Variants in TRABD2A observed in about 807,000 individuals in gnomAD.
TRABD2A encodes the protein TraB domain containing 2A.
In TRABD2A, 43 loss-of-function variants were observed where a neutral mutation model predicts 45.6. The observed-to-expected ratio is 0.94, with a 90% CI of 0.74 to 1.22. The LOEUF is 1.22. Among genes scored for constraint, TRABD2A ranks in the 50% most tolerant of loss-of-function variants. TRABD2A has a pLI of 0.00. For missense variants in TRABD2A, 642 were observed against 652.4 expected, an observed-to-expected ratio of 0.98 and a Z score of 0.17; for synonymous variants, 269 against 265.0, an observed-to-expected ratio of 1.02 and a Z score of -0.15.
chr2:84,833,838 C>CT (rs1015510483), intron 4 of TRABD2A: 7 of 151,724 alleles, frequency 4.6e-5, no homozygotes, highest in African/African-American at 1.7e-4. Context: ...AAATCAAGCC[C>CT]TGAGTACTGG....
At chr2:84,822,580 G>A (rs1346603087) in intron 6 of TRABD2A, among the ~76,000 whole-genome samples, 1 of 152,124 alleles carries the variant, frequency 6.6e-6, no homozygotes, top group Non-Finnish European at 1.5e-5. Context: ...AGGGGCCCAT[G>A]ACCTCAGGCT....
intron 2 of TRABD2A, among the ~76,000 whole-genome samples, chr2:84,866,137 G>A (rs1682670920): frequency 6.6e-6 from 1 of 152,184 alleles, no homozygotes; most frequent in Admixed American, 6.5e-5. Flanking sequence ...GCCTACAGGG[G>A]CCAGGCAGAT....
chr2:84,838,166 C>T, intron 4 of TRABD2A: 2 of 715,166 alleles, frequency 2.8e-6, no homozygotes, highest in Admixed American at 4.1e-5. Context: ...ATTCTGTCCC[C>T]TCCAGTAACC....
intron 6 of TRABD2A, among the ~76,000 whole-genome samples, 192 bp from the exon 7 acceptor site, chr2:84,822,292 A>G (rs923880329): frequency 1.2e-4 from 18 of 152,194 alleles, no homozygotes; most frequent in African/African-American, 4.1e-4. Flanking sequence ...CAGAAAACCA[A>G]ATGGCAGAGG....
At chr2:84,827,968 C>A (rs1432155961) in intron 5 of TRABD2A, among the ~76,000 whole-genome samples, 1 of 152,210 alleles carries the variant, frequency 6.6e-6, no homozygotes, top group Admixed American at 6.5e-5. Flanking sequence ...GACTTCTGAT[C>A]TCCAGAACTA....
intron 2 of TRABD2A, among the ~76,000 whole-genome samples, chr2:84,846,629 C>T (rs573197831): frequency 6.6e-6 from 1 of 152,306 alleles, no homozygotes; most frequent in South Asian, 2.1e-4. Flanking sequence ...CCATGATGAG[C>T]CTCAAAGACA....
intron 2 of TRABD2A, among the ~76,000 whole-genome samples, chr2:84,869,062 A>G (rs1682785692): frequency 6.6e-6 from 1 of 152,236 alleles, no homozygotes; most frequent in African/African-American, 2.4e-5. Context: ...ACTTATTAAT[A>G]TTATAGAATT....
At chr2:84,840,528 G>T (rs1350836877) in intron 3 of TRABD2A, among the ~76,000 whole-genome samples, 1 of 152,200 alleles carries the variant, frequency 6.6e-6, no homozygotes, top group African/African-American at 2.4e-5. Context: ...TCCTGTAGGG[G>T]CCCTGTGGGC....
At chr2:84,838,873 A>T (rs1681609774) in intron 4 of TRABD2A, among the ~76,000 whole-genome samples, 1 of 152,228 alleles carries the variant, frequency 6.6e-6, no homozygotes, top group Non-Finnish European at 1.5e-5. Context: ...TAAGTATGAA[A>T]TTCAGAGGAC....
At chr2:84,857,387 C>T (rs900312338) in intron 2 of TRABD2A, among the ~76,000 whole-genome samples, 1 of 152,104 alleles carries the variant, frequency 6.6e-6, no homozygotes, top group African/African-American at 2.4e-5. Flanking sequence ...CAAGACAACC[C>T]AGCTTCAAGA....
intron 4 of TRABD2A, chr2:84,837,410 A>G (rs2105378302): frequency 6.6e-6 from 1 of 152,250 alleles, no homozygotes; most frequent in South Asian, 2.1e-4. Context: ...TTCCCTGGGT[A>G]TGGGCCATAC....
intron 2 of TRABD2A, among the ~76,000 whole-genome samples, chr2:84,863,308 A>G (rs1192896265): frequency 1.5e-5 from 2 of 135,902 alleles, no homozygotes; most frequent in East Asian, 2.1e-4. Flanking sequence ...GCAGTGGCGC[A>G]ATCTCGGCTC....
chr2:84,829,924 CA>C (rs1283183755), intron 5 of TRABD2A, among the ~76,000 whole-genome samples: 2 of 150,466 alleles, frequency 1.3e-5, no homozygotes, highest in Non-Finnish European at 3.0e-5. Flanking sequence ...AGATACACAC[CA>C]CACAAACCCT....
chr2:84,872,386 G>A (rs1043712266), intron 1 of TRABD2A, among the ~76,000 whole-genome samples: 2 of 152,242 alleles, frequency 1.3e-5, no homozygotes, highest in Non-Finnish European at 2.9e-5. Flanking sequence ...GTGCATGCCT[G>A]TAGTCCCAGC....
At chr2:84,831,853 A>G (rs752879167) in intron 5 of TRABD2A, among the ~76,000 whole-genome samples, 33 of 152,124 alleles carry the variant, frequency 2.2e-4, no homozygotes, top group South Asian at 6.2e-4. Context: ...CAAAGTGTCC[A>G]TCCTGCCAAC....
intron 5 of TRABD2A, among the ~76,000 whole-genome samples, chr2:84,825,949 C>A (rs1413809598): frequency 6.6e-6 from 1 of 152,010 alleles, no homozygotes; most frequent in East Asian, 1.9e-4. Context: ...CCAAAACCAT[C>A]CCCCCCTCCC....
chr2:84,851,585 C>A (rs899968786), intron 2 of TRABD2A, among the ~76,000 whole-genome samples: 2 of 152,324 alleles, frequency 1.3e-5, no homozygotes, highest in South Asian at 2.1e-4. Flanking sequence ...AAAGTCCTTT[C>A]TTTTTGAGTT....
chr2:84,831,643 A>T (rs1210394344), intron 5 of TRABD2A, among the ~76,000 whole-genome samples: 1 of 151,882 alleles, frequency 6.6e-6, no homozygotes, highest in African/African-American at 2.4e-5. Context: ...TGCACCCCTA[A>T]CCCCTCTGGC....
chr2:84,847,555 G>A (rs1311595524), intron 2 of TRABD2A, among the ~76,000 whole-genome samples: 1 of 152,168 alleles, frequency 6.6e-6, no homozygotes, highest in African/African-American at 2.4e-5. Context: ...AAGGCCAGGT[G>A]CCATGAGCAG....
Sources: allele counts gnomAD v4.1 joint callset (sites outside exome capture counted in the v4.1 genomes callset), GRCh38; gene constraint gnomAD v4.1.1; transcripts MANE v1.5; gene names NCBI Gene and HGNC (gene_info 2026-07-23, HGNC 2026-07-21).